Variants in PIEZO2 observed in about 807,000 individuals in gnomAD.
PIEZO2 encodes the protein piezo type mechanosensitive ion channel component 2, also known as piezo-type mechanosensitive ion channel component 2.
Under a neutral mutation model 337.3 loss-of-function variants are expected in PIEZO2, and 172 were observed. The ratio of observed to expected loss-of-function variants is 0.51; its 90% confidence interval spans 0.45 to 0.58. The LOEUF (loss-of-function observed/expected upper bound fraction) is 0.58, where lower values mean the gene tolerates loss of function less well. Among genes scored for constraint, PIEZO2 ranks in the 20% least tolerant of loss-of-function variants. The pLI, the probability that PIEZO2 is intolerant of heterozygous loss-of-function variation, is 0.00. For missense variants in PIEZO2, 3,028 were observed against 3,391.3 expected (o/e 0.89, Z 2.66); for synonymous variants, 1,251 against 1,228.5 (o/e 1.02, Z -0.38).
Position 11,146,966 on chromosome 18 carries a change from T to C in PIEZO2, c.64+1559A>G, listed in dbSNP as rs1332900740. Among the ~76,000 whole-genome samples the C allele has an allele frequency of 2.0e-5, 3 of 152,160 alleles. No homozygotes were observed. Among genetic ancestry groups the C allele is most frequent in the Non-Finnish European group, 4.4e-5 (3 of 68,026 alleles). The stretch of plus-strand genomic sequence containing the variant: ...CCTCCCCGGTCTGCACTGAGGACCA[T>C]AAATCACGCTTCATGCTAAAAGCCC... On this transcript the variant is annotated intron_variant, in intron 1 of 55. Coordinates refer to ENST00000674853, the MANE Select transcript of PIEZO2 (RefSeq NM_001378183.1). The surrounding 1 kb of genome is among the most constrained non-coding windows in gnomAD (Gnocchi z 6.1).
At chr18:10,789,399 TG>T (rs1281646996) in intron 14 of PIEZO2, 34 bp from the exon 15 acceptor site, 51 of 1,515,290 alleles carry the variant, frequency 3.4e-5, no homozygotes, top group Non-Finnish European at 4.1e-5. Context: ...TATACTTAGC[TG>T]GTTATCTGTG....
Position 10,696,525 on chromosome 18 carries a change from T to C in PIEZO2, c.6842A>G (p.Tyr2281Cys), listed in dbSNP as rs769885127. The change falls in exon 46 of 56, where the codon TAT becomes TGT. Residue 2281 changes from tyrosine (Y) to cysteine (C), a missense_variant. Coordinates refer to ENST00000674853, the MANE Select transcript of PIEZO2 (RefSeq NM_001378183.1). ...AFTIKKTLEI[Y>C]VPIKQFFYNL... ...GTAAAAGAACTGTTTGATGGGCACA[T>C]AGATCTCCAGCGTCCTGCAAAATGG... is the stretch of plus-strand genomic sequence containing the variant. 9 of 1,613,372 alleles carry C rather than the reference T, an allele frequency of 5.6e-6. No homozygotes were observed. The highest frequency in any genetic ancestry group is 1.8e-4 in the Middle Eastern group (1 of 5,638).
intron 1 of PIEZO2, among the ~76,000 whole-genome samples, chr18:11,082,386 C>G (rs954896022): frequency 2.0e-5 from 3 of 151,398 alleles, no homozygotes; most frequent in African/African-American, 7.3e-5. Context: ...GGCGCGATCT[C>G]AGTTCACTGC....
intron 36 of PIEZO2, among the ~76,000 whole-genome samples, chr18:10,722,451 C>T (rs767077839): frequency 5.3e-5 from 8 of 151,552 alleles, no homozygotes; most frequent in Non-Finnish European, 8.8e-5. Context: ...AAGCTGGTCT[C>T]GAACTCCTGA....
chr18:10,820,243 T>A (rs1326547961), intron 7 of PIEZO2, among the ~76,000 whole-genome samples: 1 of 152,152 alleles, frequency 6.6e-6, no homozygotes, highest in Non-Finnish European at 1.5e-5. Flanking sequence ...CATTTGGCTG[T>A]TATTTCTTAA....
chr18:10,874,502 T>C (rs1046656080), intron 4 of PIEZO2, among the ~76,000 whole-genome samples: 4 of 152,146 alleles, frequency 2.6e-5, no homozygotes, highest in African/African-American at 4.8e-5. Flanking sequence ...ATCTAAGAGA[T>C]ATCTGCACTT....
At chr18:10,802,510 G>A (rs2039859571) in intron 9 of PIEZO2, among the ~76,000 whole-genome samples, 1 of 152,120 alleles carries the variant, frequency 6.6e-6, no homozygotes, top group East Asian at 1.9e-4. Flanking sequence ...ATAGTGAAGA[G>A]AGTGTCATTG....
intron 15 of PIEZO2, among the ~76,000 whole-genome samples, chr18:10,788,428 AAGG>A (rs775258637): frequency 0.063 from 1,317 of 21,014 alleles, 13 homozygotes; most frequent in Non-Finnish European, 0.068. Flanking sequence ...AAAAGAAAGA[AAGG>A]AAGGAAGGAA....
chr18:10,692,283 A>G (rs1316277232), intron 47 of PIEZO2, among the ~76,000 whole-genome samples: 2 of 152,240 alleles, frequency 1.3e-5, no homozygotes, highest in Non-Finnish European at 2.9e-5. Flanking sequence ...AAATGTCTTA[A>G]ACATGGTCAG....
chr18:10,730,372 T>C (rs530090221), intron 36 of PIEZO2, among the ~76,000 whole-genome samples: 1 of 152,374 alleles, frequency 6.6e-6, no homozygotes, highest in East Asian at 1.9e-4. Flanking sequence ...CACCTTTTGG[T>C]CATTTTTGTT....
rs372099481 is a variant in PIEZO2 at position 10,672,725 on chromosome 18, G to A, written c.8310C>T (p.Val2770=). The part of the protein sequence containing the change: ...ALELVVFNDK[V]SPPSLGFLAG... ...CCAGGAACCCCAGACTTGGGGGACT[G>A]ACTTTGTCATTGAAGACCACCAGTT... is the stretch of plus-strand genomic sequence containing the variant. Residue 2770 remains valine (V), a synonymous_variant, in exon 55 of 56, where the codon GTC becomes GTT. Transcript: ENST00000674853. This position sits in a 1 kb window ranked among gnomAD's most constrained non-coding sequence, Gnocchi z 4.7. The A allele has an allele frequency of 6.2e-7, 1 of 1,614,038 alleles. No homozygotes were observed. Among genetic ancestry groups the A allele is most frequent in the African/African-American group, 1.3e-5 (1 of 75,028 alleles).
rs535855423 is a variant in PIEZO2 at position 11,044,244 on chromosome 18, T to C, written c.160+21883A>G. Among the ~76,000 whole-genome samples, 7 of 151,164 alleles carry C rather than the reference T, an allele frequency of 4.6e-5. No homozygotes were observed. In the South Asian group the frequency reaches 1.2e-3, roughly 27 times the overall value. ...TAAATAATACTACCTCAGGAAATTG[T>C]TGTATTATAACAAATAAAGTCTTTT... On this transcript the variant is annotated intron_variant, in intron 2 of 55. Transcript: ENST00000674853.
chr18:10,959,820 G>A lies in PIEZO2; in HGVS notation c.286+19715C>T, dbSNP rs540289776. ...CCTATAATAAAGTTAAATAAATTAC[G>A]TAAACTTCAATCTCATCACGAAGCA... On this transcript the variant is annotated intron_variant, in intron 3 of 55. Transcript: ENST00000674853. Among the ~76,000 whole-genome samples, 16 of 152,206 alleles carry A rather than the reference G, an allele frequency of 1.1e-4. No homozygotes were observed. The South Asian group carries it at 2.5e-3, about 24-fold the overall frequency.
chr18:10,986,255 T>C (rs2034866666), intron 2 of PIEZO2, among the ~76,000 whole-genome samples: 1 of 151,980 alleles, frequency 6.6e-6, no homozygotes, highest in South Asian at 2.1e-4. Flanking sequence ...ATTGCCTTGA[T>C]ATCAATGACA....
At chr18:10,836,383 C>T (rs2041014887) in intron 7 of PIEZO2, among the ~76,000 whole-genome samples, 1 of 152,058 alleles carries the variant, frequency 6.6e-6, no homozygotes, top group African/African-American at 2.4e-5. Context: ...AATTGCTGAC[C>T]TCTCCCTCTC....
At position 11,035,443 on chromosome 18, in the gene PIEZO2, G is replaced by A. The variant is rs771923358; in HGVS notation, c.160+30684C>T. On this transcript the variant is annotated intron_variant, in intron 2 of 55. Transcript: ENST00000674853. This position sits in a 1 kb window ranked among gnomAD's most constrained non-coding sequence, Gnocchi z 4.3. The stretch of plus-strand genomic sequence containing the variant: ...TCTTGACCAGAAGAACGCCAGTGCC[G>A]TGCTTGCACAGCCTGCAGGACCATG... Among the ~76,000 whole-genome samples, 5 of 152,204 alleles carry A rather than the reference G, an allele frequency of 3.3e-5. No homozygotes were observed. Among genetic ancestry groups the A allele is most frequent in the South Asian group, 2.1e-4 (1 of 4,814 alleles).
intron 1 of PIEZO2, among the ~76,000 whole-genome samples, chr18:11,121,342 G>A (rs899791669): frequency 3.9e-5 from 6 of 152,156 alleles, no homozygotes; most frequent in Non-Finnish European, 5.9e-5. Context: ...ATCACTTGAA[G>A]CCAAGAGTTC....
chr18:10,954,165 G>GT lies in PIEZO2; in HGVS notation c.286+25369dup, dbSNP rs1400830935. 6.6e-6 allele frequency among the ~76,000 whole-genome samples: 1 copy of GT among 151,980 alleles called. No individual in the cohort carries two copies. Among genetic ancestry groups the GT allele is most frequent in the Non-Finnish European group, 1.5e-5 (1 of 67,962 alleles). On this transcript the variant is annotated intron_variant, in intron 3 of 55. Coordinates refer to ENST00000674853, the MANE Select transcript of PIEZO2 (RefSeq NM_001378183.1). The surrounding 1 kb of genome is among the most constrained non-coding windows in gnomAD (Gnocchi z 4.2). ...TTTCAAAATTACTTTGGCTATTGTA[G>GT]TTTTTTTTCCATATATATTTTAGAG... is the stretch of plus-strand genomic sequence containing the variant.
intron 2 of PIEZO2, among the ~76,000 whole-genome samples, chr18:11,025,397 C>A (rs1009688350): frequency 6.6e-6 from 1 of 152,064 alleles, no homozygotes; most frequent in East Asian, 1.9e-4. Flanking sequence ...CCGTGAATTG[C>A]CTAGGGATGC....
Sources: gnomAD v4.1 joint callset for allele counts (sites outside exome capture counted in the v4.1 genomes callset) on GRCh38, gnomAD v4.1.1 for gene constraint, Gnocchi (gnomAD v3.1) non-coding constraint, MANE v1.5 for transcripts, NCBI Gene and HGNC (gene_info 2026-07-23, HGNC 2026-07-21) for gene names.